The following HCK variants were observed in gnomAD, a reference collection of about 807,000 sequenced individuals.
HCK encodes tyrosine-protein kinase HCK.
In HCK, 40 loss-of-function variants were observed where a neutral mutation model predicts 70.4. The ratio of observed to expected loss-of-function variants is 0.57; its 90% CI spans 0.44 to 0.74. The LOEUF (loss-of-function observed/expected upper bound fraction) is 0.74. Ranked by LOEUF, HCK falls within the 30% of genes least tolerant of loss-of-function variation. The probability of loss-of-function intolerance (pLI) is 0.00; values close to 1 mark genes in which losing one functional copy is unlikely to be tolerated. For synonymous variants in HCK, 245 were observed against 263.2 expected (o/e 0.93, Z 0.67); for missense variants, 568 against 697.2 (o/e 0.81, Z 2.09).
intron 3 of HCK, 52 bp downstream of exon 3, chr20:32,073,413 C>G: frequency 2.1e-6 from 3 of 1,462,868 alleles, no homozygotes; most frequent in Non-Finnish European, 2.8e-6. Context: ...CAGAGGACTC[C>G]GCTAGGTTCT....
intron 3 of HCK, 27 bp downstream of exon 3, chr20:32,073,388 G>GCAGATGCAGTGTCCTGC: frequency 6.2e-7 from 1 of 1,602,464 alleles, no homozygotes; most frequent in Non-Finnish European, 8.5e-7. Flanking sequence ...AGATGCAGTG[G>GCAGATGCAGTGTCCTGC]AGTCATGTGT....
At chr20:32,091,446 C>T (rs946200031) in intron 10 of HCK, among the ~76,000 whole-genome samples, 3 of 152,200 alleles carry the variant, frequency 2.0e-5, no homozygotes, top group Admixed American at 6.5e-5. Flanking sequence ...AAAAGTGCCT[C>T]CTCCAAAGCA....
Position 32,093,795 on chromosome 20 carries a change from G to A in HCK, c.1093-68G>A, listed in dbSNP as rs1600742858. Reference sequence around the variant, plus strand: ...TTCTTCACTTGAACACCTCTCTGCTGCTTTTGGGTGGGGCCATCTTGGCGT... The same window carrying A: ...TTCTTCACTTGAACACCTCTCTGCTACTTTTGGGTGGGGCCATCTTGGCGT... On this transcript the variant is annotated intron_variant, in intron 10 of 12. Transcript: ENST00000375852. 4 of 1,477,516 alleles carry A rather than the reference G, an allele frequency of 2.7e-6. No homozygotes were observed. The East Asian group carries it at 6.9e-5, about 26-fold the overall frequency. 91.5% of individuals were successfully genotyped at this position (1,477,516 alleles called of 1,614,324 possible).
intron 6 of HCK, among the ~76,000 whole-genome samples, chr20:32,083,282 C>A (rs1055172433): frequency 1.3e-5 from 2 of 152,162 alleles, no homozygotes; most frequent in African/African-American, 2.4e-5. Context: ...CTCTAAAGTA[C>A]CTTTTACCAT....
chr20:32,086,578 G>C lies in HCK; in HGVS notation c.836-50G>C, dbSNP rs764138133. The C allele has an allele frequency of 7.3e-6, 11 of 1,502,354 alleles. No homozygotes were observed. In the African/African-American group the frequency reaches 1.3e-4, roughly 17 times the overall value. 93.1% of individuals were successfully genotyped at this position (1,502,354 alleles called of 1,614,324 possible). On this transcript the variant is annotated intron_variant, in intron 8 of 12. Coordinates refer to ENST00000375852, the MANE Select transcript of HCK (RefSeq NM_002110.5). Reference sequence around the variant, plus strand: ...GCAGCTGGGCCTTCTAGGGTGGTACGGGAGACCAGTGGGCTCTGACCACCT... The same window carrying C: ...GCAGCTGGGCCTTCTAGGGTGGTACCGGAGACCAGTGGGCTCTGACCACCT...
At chr20:32,074,775 G>A in intron 5 of HCK, 54 bp downstream of exon 5, 1 of 1,280,294 alleles carries the variant, frequency 7.8e-7, no homozygotes, top group South Asian at 1.2e-5. Flanking sequence ...AGCCAGCCTT[G>A]TTTGCAACTC....
At chr20:32,089,494 T>C (rs2045835762) in intron 10 of HCK, among the ~76,000 whole-genome samples, 1 of 152,200 alleles carries the variant, frequency 6.6e-6, no homozygotes, top group African/African-American at 2.4e-5. Context: ...GGTGGGAAGA[T>C]GAGTATTAAA....
rs373188975 is a variant in HCK at position 32,093,846 on chromosome 20, C to T, written c.1093-17C>T. 5 of 1,604,864 alleles carry T rather than the reference C, an allele frequency of 3.1e-6. No homozygotes were observed. The highest frequency in any genetic ancestry group is 1.7e-5 in the Admixed American group (1 of 58,234). On this transcript the variant is annotated splice_polypyrimidine_tract_variant and intron_variant, in intron 10 of 12. Coordinates refer to ENST00000375852, the MANE Select transcript of HCK (RefSeq NM_002110.5). ...AGGCCAGGTCTGAGGACAAAGGTGT[C>T]TCTGTTTGGGGTGCAGATTGCAGAA...
chr20:32,083,726 G>A (rs1390318479), intron 6 of HCK, among the ~76,000 whole-genome samples, 168 bp from the exon 7 acceptor site: 1 of 152,222 alleles, frequency 6.6e-6, no homozygotes, highest in South Asian at 2.1e-4. Flanking sequence ...GTAGAGCCTG[G>A]ATGAGAGCCC....
intron 1 of HCK, among the ~76,000 whole-genome samples, chr20:32,066,303 C>CTTTT (rs35827345): frequency 2.2e-5 from 1 of 46,226 alleles, no homozygotes; most frequent in Non-Finnish European, 4.5e-5. Flanking sequence ...CCTCCAGTGA[C>CTTTT]TTTTTTTTTT....
intron 9 of HCK, among the ~76,000 whole-genome samples, chr20:32,087,352 G>A (rs1325823244): frequency 1.3e-5 from 2 of 152,146 alleles, no homozygotes; most frequent in African/African-American, 2.4e-5. Flanking sequence ...TACTCAGGCT[G>A]GAGTGCAGAG....
rs760040311 is a variant in HCK, at chr20:32,094,032, A to C, written c.1246+16A>C. 2 of 1,607,702 alleles carry C rather than the reference A, an allele frequency of 1.2e-6. No individual in the cohort carries two copies. The highest frequency in any genetic ancestry group is 1.7e-6 in the Non-Finnish European group (2 of 1,177,482). Reference sequence around the variant, plus strand: ...GCTCGGGAAGGTAGGGAACGCTGCCAAGCAGCCCCACGTTGCCCATTTGGA... The same window carrying C: ...GCTCGGGAAGGTAGGGAACGCTGCCCAGCAGCCCCACGTTGCCCATTTGGA... On this transcript the variant is annotated intron_variant, in intron 11 of 12. Transcript: ENST00000375852.
At chr20:32,082,745 C>T (rs932267449) in intron 6 of HCK, among the ~76,000 whole-genome samples, 3 of 152,124 alleles carry the variant, frequency 2.0e-5, no homozygotes, top group Non-Finnish European at 4.4e-5. Context: ...TGCCCAAGGG[C>T]ACACAGCTCA....
intron 12 of HCK, among the ~76,000 whole-genome samples, chr20:32,099,609 C>A (rs113466159): frequency 6.6e-6 from 1 of 152,000 alleles, no homozygotes; most frequent in Admixed American, 6.5e-5. Flanking sequence ...GCGCCTGCCT[C>A]GGCCTCCCAA....
intron 1 of HCK, among the ~76,000 whole-genome samples, chr20:32,059,419 C>CTCTT (rs3073296): frequency 0.67 from 97,653 of 145,086 alleles, 33,428 homozygotes; most frequent in East Asian, 0.88. Flanking sequence ...TTCTCTCTCT[C>CTCTT]TCTTTCTTTC....
At chr20:32,054,298 CGT>C in intron 1 of HCK, 1 of 455,782 alleles carries the variant, frequency 2.2e-6, no homozygotes, top group Non-Finnish European at 4.4e-6. Flanking sequence ...ATAAACAACA[CGT>C]AGGATTGTTT....
At chr20:32,070,725 C>G (rs927635548) in intron 1 of HCK, among the ~76,000 whole-genome samples, 1 of 152,042 alleles carries the variant, frequency 6.6e-6, no homozygotes, top group East Asian at 1.9e-4. Context: ...GTCTCCCATT[C>G]GGCTGCAGTT....
At chr20:32,081,592 A>G (rs187744020) in intron 6 of HCK, among the ~76,000 whole-genome samples, 246 of 151,766 alleles carry the variant, frequency 1.6e-3, no homozygotes, top group African/African-American at 4.5e-3. Context: ...CTTCTACTTG[A>G]CCCTCAGCTA....
Position 32,101,362 on chromosome 20 carries a change from G to A in HCK, c.1424G>A (p.Arg475Gln), listed in dbSNP as rs749578325. Residue 475 changes from arginine to glutamine, a missense_variant, in exon 13 of 13, where the codon CGG (arginine) becomes CAG (glutamine). Physicochemically the swap from Arg to Gln is conservative, Grantham distance 43. Transcript: ENST00000375852. ...ATCCGAGCTCTGGAGCGTGGATACC[G>A]GATGCCTCGCCCAGAGAACTGCCCA... The A allele has an allele frequency of 5.0e-6, 8 of 1,614,208 alleles. No homozygotes were observed. The highest frequency in any genetic ancestry group is 1.7e-5 in the Admixed American group (1 of 60,028).
Sources: gnomAD v4.1 joint callset for allele counts (sites outside exome capture counted in the v4.1 genomes callset) on GRCh38, gnomAD v4.1.1 for gene constraint, MANE v1.5 for transcripts, NCBI Gene and HGNC (gene_info 2026-07-23, HGNC 2026-07-21) for gene names.